The following OCA2 variants were observed in gnomAD, a reference collection of about 807,000 sequenced individuals.
OCA2 encodes OCA2 melanosomal transmembrane protein.
A neutral mutation model predicts 100.2 loss-of-function variants in OCA2; 77 were observed. That is an observed-to-expected ratio of 0.77 (90% CI 0.64 to 0.93). The LOEUF is 0.93. OCA2 is among the 40% of genes least tolerant of loss of function. OCA2 has a pLI of 0.00. For synonymous variants in OCA2, 432 were observed against 439.2 expected, an observed-to-expected ratio of 0.98 and a Z score of 0.21; for missense variants, 1,062 against 1,089.1, an observed-to-expected ratio of 0.98 and a Z score of 0.35.
chr15:27,908,406 GTA>G (rs10542069), intron 19 of OCA2, among the ~76,000 whole-genome samples: 87,838 of 151,832 alleles, frequency 0.58, 26,664 homozygotes, highest in East Asian at 0.96. Context: ...ATTACATTAG[GTA>G]TATATATCTA....
intron 2 of OCA2, among the ~76,000 whole-genome samples, chr15:28,045,318 A>T (rs542218278): frequency 1.3e-5 from 2 of 152,218 alleles, no homozygotes; most frequent in Admixed American, 1.3e-4. Flanking sequence ...GTATGTACAC[A>T]TATACAGTAT....
At chr15:27,938,131 A>G (rs911202355) in intron 18 of OCA2, among the ~76,000 whole-genome samples, 3 of 152,236 alleles carry the variant, frequency 2.0e-5, no homozygotes, top group Admixed American at 1.3e-4. Context: ...ATGTTTGATG[A>G]CATAATATGA....
chr15:27,990,544 G>A (rs1161249353), intron 10 of OCA2, 32 bp downstream of exon 10: 13 of 1,606,164 alleles, frequency 8.1e-6, no homozygotes, highest in Non-Finnish European at 1.1e-5. Flanking sequence ...CCACTGAGTG[G>A]TAAGCCAGGG....
intron 9 of OCA2, among the ~76,000 whole-genome samples, chr15:27,999,661 G>C (rs2041865888): frequency 6.6e-6 from 1 of 152,122 alleles, no homozygotes; most frequent in Admixed American, 6.6e-5. Flanking sequence ...GTCCAAATTG[G>C]AAAGGATGAA....
At chr15:27,925,482 T>A (rs556167521) in intron 19 of OCA2, among the ~76,000 whole-genome samples, 7 of 152,228 alleles carry the variant, frequency 4.6e-5, no homozygotes, top group Non-Finnish European at 1.0e-4. Flanking sequence ...AAATAACCCA[T>A]AAGTCAAAAA....
At chr15:27,736,028 T>G in the OCA2 span, among the ~76,000 whole-genome samples, 6 of 152,322 alleles carry the variant, frequency 3.9e-5, no homozygotes, top group African/African-American at 1.4e-4. Flanking sequence ...ATACATATGG[T>G]AATTAGTGAG....
chr15:27,801,550 CAAAAAAA>C (rs34636608), intron 23 of OCA2, among the ~76,000 whole-genome samples: 24 of 37,836 alleles, frequency 6.3e-4, no homozygotes, highest in South Asian at 1.1e-3. Flanking sequence ...GACTCGGTCT[CAAAAAAA>C]AAAAAAAAAA....
At chr15:27,776,406 G>C (rs1174467919) in intron 23 of OCA2, 3 of 152,260 alleles carry the variant, frequency 2.0e-5, no homozygotes, top group African/African-American at 7.2e-5. Context: ...CTTCTGTAAA[G>C]CTGAGCTAAA....
downstream of OCA2, among the ~76,000 whole-genome samples, chr15:27,751,987 T>C (rs2030079443): frequency 6.6e-6 from 1 of 152,218 alleles, no homozygotes; most frequent in South Asian, 2.1e-4. Flanking sequence ...TTATGAAGTA[T>C]GTTGCATTTA....
In OCA2 at chr15:27,843,916, G is replaced by C. The variant is rs553277397; in HGVS notation, c.2432+1043C>G. Among the ~76,000 whole-genome samples, 399 of 152,282 alleles carry C rather than the reference G, an allele frequency of 2.6e-3. 2 individuals are homozygous for C. Among genetic ancestry groups the C allele is most frequent in the African/African-American group, 9.3e-3 (386 of 41,550 alleles). On this transcript the variant is annotated intron_variant, in intron 23 of 23. Transcript: ENST00000354638. ...CAGGGTTCTCTGCCACTCAACCAAA[G>C]TTGAGGTTCCAAATCTTTACCCGAG...
intron 21 of OCA2, among the ~76,000 whole-genome samples, chr15:27,855,412 G>A (rs1288917026): frequency 6.6e-6 from 1 of 152,168 alleles, no homozygotes; most frequent in Non-Finnish European, 1.5e-5. Flanking sequence ...AGCACCACCT[G>A]CCACTTCTGT....
chr15:28,016,603 A>C (rs964647290), intron 7 of OCA2, among the ~76,000 whole-genome samples: 2 of 151,846 alleles, frequency 1.3e-5, no homozygotes, highest in Admixed American at 1.3e-4. Flanking sequence ...ACAGAGCAAG[A>C]CCCCTGTCTG....
chr15:27,922,992 G>C (rs939673850), intron 19 of OCA2, among the ~76,000 whole-genome samples: 1 of 152,036 alleles, frequency 6.6e-6, no homozygotes, highest in African/African-American at 2.4e-5. Flanking sequence ...AGGCCCCAGT[G>C]TGTGTTGTTC....
chr15:27,982,987 T>A (rs1446059636), intron 14 of OCA2, among the ~76,000 whole-genome samples: 1 of 152,206 alleles, frequency 6.6e-6, no homozygotes, highest in Non-Finnish European at 1.5e-5. Flanking sequence ...CACCACAGTT[T>A]GGGAATCCCA....
chr15:28,004,945 G>C (rs1464017507), intron 9 of OCA2, among the ~76,000 whole-genome samples: 2 of 152,142 alleles, frequency 1.3e-5, no homozygotes, highest in African/African-American at 4.8e-5. Flanking sequence ...ATCAGACTGT[G>C]GGGGAGGAAG....
chr15:27,764,255 G>T (rs2031081013), intron 23 of OCA2, among the ~76,000 whole-genome samples: 1 of 151,908 alleles, frequency 6.6e-6, no homozygotes, highest in African/African-American at 2.4e-5. Context: ...AGAGGCAGGA[G>T]GGGGAGGAGA....
chr15:27,858,298 T>G (rs2036012336), intron 21 of OCA2, among the ~76,000 whole-genome samples: 1 of 149,034 alleles, frequency 6.7e-6, no homozygotes, highest in Admixed American at 6.8e-5. Context: ...CACTTGAACC[T>G]GGGAGGCAGA....
chr15:27,767,752 A>G (rs2031380031), intron 23 of OCA2, among the ~76,000 whole-genome samples: 1 of 152,188 alleles, frequency 6.6e-6, no homozygotes, highest in South Asian at 2.1e-4. Context: ...ACTAATCAGC[A>G]GGATGTGGGT....
chr15:28,014,039 A>G (rs1198654237), intron 9 of OCA2, among the ~76,000 whole-genome samples: 1 of 152,106 alleles, frequency 6.6e-6, no homozygotes, highest in Non-Finnish European at 1.5e-5. Context: ...CCAGCCTGCC[A>G]TCTCCTCAAC....
Sources: allele counts gnomAD v4.1 joint callset (sites outside exome capture counted in the v4.1 genomes callset), GRCh38; gene constraint gnomAD v4.1.1; transcripts MANE v1.5; gene names NCBI Gene and HGNC (gene_info 2026-07-23, HGNC 2026-07-21).